SIM1: variants seen among roughly 807,000 people sequenced by gnomAD.
SIM1 encodes SIM bHLH transcription factor 1.
A neutral mutation model predicts 78.2 loss-of-function variants in SIM1; 18 were observed. The observed-to-expected ratio is 0.23, with a 90% confidence interval of 0.16 to 0.34. The LOEUF is 0.34. Among genes scored for constraint, SIM1 ranks in the 10% least tolerant of loss-of-function variants. The pLI is 1.00. For missense variants in SIM1, 939 were observed against 975.1 expected (o/e 0.96, Z 0.49); for synonymous variants, 417 against 385.2 (o/e 1.08, Z -0.97).
rs964463248 is a variant in SIM1 at position 100,447,199 on chromosome 6, C to T, written c.998+69G>A. On this transcript the variant is annotated intron_variant, in intron 9 of 11. Transcript: ENST00000369208. ...CGAGCCTTGTCTAACCCGGCCGTGC[C>T]GCCACCCGCACTCTCGCAGAGAGCA... 9 of 1,550,024 alleles carry T rather than the reference C, an allele frequency of 5.8e-6. No homozygotes were observed. The East Asian group carries it at 1.8e-4, about 32-fold the overall frequency.
At position 100,449,812 on chromosome 6, in the gene SIM1, A is replaced by C. The variant is rs574880756; in HGVS notation, c.349-113T>G. The C allele has an allele frequency of 5.7e-4, 481 of 837,724 alleles. 7 individuals carry two copies. In the South Asian group the frequency reaches 6.8e-3, roughly 12 times the overall value. The allele number at this position is 837,724 out of a possible 1,614,324, so 51.9% of individuals were successfully genotyped here. On this transcript the variant is annotated intron_variant, in intron 4 of 11. Coordinates refer to ENST00000369208, the MANE Select transcript of SIM1 (RefSeq NM_005068.3). Reference sequence around the variant, plus strand: ...ATGAGGACAGCAGCCAGAATTCTGGAATTGGCCCTGAGTTCCAATGCCAGC... The same window carrying C: ...ATGAGGACAGCAGCCAGAATTCTGGCATTGGCCCTGAGTTCCAATGCCAGC...
intron 2 of SIM1, among the ~76,000 whole-genome samples, chr6:100,454,383 G>C (rs1291627742): frequency 6.6e-6 from 1 of 152,108 alleles, no homozygotes; most frequent in Non-Finnish European, 1.5e-5. Flanking sequence ...GGCTTTAATC[G>C]CCTTCGGAAA....
intron 10 of SIM1, chr6:100,396,109 T>A: frequency 1.0e-6 from 1 of 983,498 alleles, no homozygotes; most frequent in Non-Finnish European, 1.2e-6. Context: ...ACCCAGACTC[T>A]CTTTTCACAA....
chr6:100,411,881 A>G (rs755795836), intron 10 of SIM1, among the ~76,000 whole-genome samples: 2 of 152,196 alleles, frequency 1.3e-5, no homozygotes, highest in Non-Finnish European at 2.9e-5. Flanking sequence ...CAATGCATGC[A>G]GAAATAAATG....
chr6:100,419,940 C>G (rs1435650354), intron 10 of SIM1, among the ~76,000 whole-genome samples: 1 of 152,178 alleles, frequency 6.6e-6, no homozygotes, highest in Non-Finnish European at 1.5e-5. Flanking sequence ...CGTGCCCAGC[C>G]TCCAGTTTGG....
chr6:100,388,627 T>C lies in SIM1; in HGVS notation c.*1734A>G, dbSNP rs1318980476. The C allele has an allele frequency of 6.6e-6, 1 of 152,194 alleles. No individual in the cohort carries two copies. Among genetic ancestry groups the C allele is most frequent in the Admixed American group, 6.5e-5 (1 of 15,280 alleles). 9.4% of individuals were successfully genotyped at this position (152,194 alleles called of 1,614,324 possible). A position where few individuals can be genotyped will look rare whatever the true frequency, so the allele number is the denominator to read the frequency against. On this transcript the variant is annotated 3_prime_UTR_variant, in exon 12 of 12. Coordinates refer to ENST00000369208, the MANE Select transcript of SIM1 (RefSeq NM_005068.3). Reference sequence around the variant, plus strand: ...ATAACTGTGTTAAATGATGAAAATATACTACTAATCCCTGAGTATTCAATT... The same window carrying C: ...ATAACTGTGTTAAATGATGAAAATACACTACTAATCCCTGAGTATTCAATT...
chr6:100,408,684 C>G (rs1259577394), intron 10 of SIM1, among the ~76,000 whole-genome samples: 2 of 151,960 alleles, frequency 1.3e-5, no homozygotes, highest in Non-Finnish European at 2.9e-5. Flanking sequence ...TGATTTTTAT[C>G]CTTCATTCAG....
intron 9 of SIM1, among the ~76,000 whole-genome samples, chr6:100,440,989 A>G (rs973962628): frequency 1.3e-5 from 2 of 152,168 alleles, no homozygotes; most frequent in Non-Finnish European, 2.9e-5. Context: ...ATTCACAATA[A>G]CATATATGGG....
chr6:100,439,291 T>C lies in SIM1; in HGVS notation c.998+7977A>G, dbSNP rs553159933. Among the ~76,000 whole-genome samples the C allele has an allele frequency of 3.9e-5, 6 of 152,262 alleles. No individual in the cohort carries two copies. The South Asian group carries it at 1.2e-3, about 32-fold the overall frequency. ...GGAAAAGAACAACATGACAAATGTA[T>C]ATAGGTCATTGACCCATCTCAAAAC... is the stretch of plus-strand genomic sequence containing the variant. On this transcript the variant is annotated intron_variant, in intron 9 of 11. Coordinates refer to ENST00000369208, the MANE Select transcript of SIM1 (RefSeq NM_005068.3).
At chr6:100,394,879 T>A (rs901232452) in intron 10 of SIM1, among the ~76,000 whole-genome samples, 3 of 152,226 alleles carry the variant, frequency 2.0e-5, no homozygotes, top group Non-Finnish European at 2.9e-5. Flanking sequence ...TTAAGAAGTC[T>A]TATCCTATAT....
At chr6:100,430,570 CAT>C (rs1771874716) in intron 9 of SIM1, among the ~76,000 whole-genome samples, 2 of 152,084 alleles carry the variant, frequency 1.3e-5, no homozygotes, top group Non-Finnish European at 2.9e-5. Context: ...ATAAAATACA[CAT>C]ATGTTATTCG....
chr6:100,453,801 C>T lies in SIM1; in HGVS notation c.219G>A (p.Leu73=). 1 of 1,612,384 alleles carries T rather than the reference C, an allele frequency of 6.2e-7. No individual in the cohort carries two copies. Among genetic ancestry groups the T allele is most frequent in the Non-Finnish European group, 8.5e-7 (1 of 1,179,242 alleles). Residue 73 remains leucine (L), a synonymous_variant, in exon 3 of 12, where the codon CTG becomes CTA. Coordinates refer to ENST00000369208, the MANE Select transcript of SIM1 (RefSeq NM_005068.3). ...AGCCCAGTTCTCGGCCAACGTTGTC[C>T]AGGGGGCTGGTCCGACTTGAGTGGC... ...AWGHSSRTSP[L]DNVGRELGSH...
chr6:100,427,042 C>T (rs1471855069), intron 9 of SIM1: 1 of 152,218 alleles, frequency 6.6e-6, no homozygotes, highest in Non-Finnish European at 1.5e-5. Flanking sequence ...AATGACTGCG[C>T]CTTACAGTAA....
chr6:100,395,022 C>T (rs1770734940), intron 10 of SIM1, among the ~76,000 whole-genome samples: 1 of 152,082 alleles, frequency 6.6e-6, no homozygotes, highest in Non-Finnish European at 1.5e-5. Flanking sequence ...TTATCTACTC[C>T]CAGACTATTT....
At chr6:100,429,693 A>AT (rs906353134) in intron 9 of SIM1, among the ~76,000 whole-genome samples, 1 of 152,048 alleles carries the variant, frequency 6.6e-6, no homozygotes, top group African/African-American at 2.4e-5. Context: ...CATTACCTTA[A>AT]TTTTTTCTCT....
At chr6:100,450,403 G>T in intron 3 of SIM1, 47 bp from the exon 4 acceptor site, 1 of 1,515,738 alleles carries the variant, frequency 6.6e-7, no homozygotes, top group Non-Finnish European at 9.2e-7. Context: ...TGGGCCATCT[G>T]GAGAAATGGG....
chr6:100,408,538 A>G (rs1771109005), intron 10 of SIM1, among the ~76,000 whole-genome samples: 1 of 152,060 alleles, frequency 6.6e-6, no homozygotes, highest in Non-Finnish European at 1.5e-5. Context: ...ACCATTGAGT[A>G]TAATGGTAGC....
At position 100,412,739 on chromosome 6, in the gene SIM1, GAAAGAAAGAAAGAAAAAAGA is replaced by G. The variant is rs1562240180; in HGVS notation, c.1167+8031_1167+8050del. On this transcript the variant is annotated intron_variant, in intron 10 of 11. Transcript: ENST00000369208. The stretch of plus-strand genomic sequence containing the variant: ...AGAAAGAAAGAAAGAAAGAAAGAAA[GAAAGAAAGAAAGAAAAAAGA>G]AAAGAAAAAGAAAGGGAGAAAGAGA... Among the ~76,000 whole-genome samples, 97 of 135,946 alleles carry G rather than the reference GAAAGAAAGAAAGAAAAAAGA, an allele frequency of 7.1e-4. 1 individual carries two copies. Among genetic ancestry groups the G allele is most frequent in the East Asian group, 2.5e-3 (11 of 4,482 alleles). The allele number at this position is 135,946 out of a possible 152,430, so 89.2% of individuals were successfully genotyped here.
At chr6:100,412,731 GA>G (rs1186069334) in intron 10 of SIM1, among the ~76,000 whole-genome samples, 1 of 137,248 alleles carries the variant, frequency 7.3e-6, no homozygotes, top group Admixed American at 7.4e-5. Context: ...AAGAAAGAAA[GA>G]AAGAAAGAAA....
Sources: allele counts gnomAD v4.1 joint callset (sites outside exome capture counted in the v4.1 genomes callset), GRCh38; gene constraint gnomAD v4.1.1; transcripts MANE v1.5; gene names NCBI Gene and HGNC (gene_info 2026-07-23, HGNC 2026-07-21).